Variants in XRCC1 observed in about 807,000 individuals in gnomAD.
The protein encoded by XRCC1 is DNA repair protein XRCC1.
XRCC1 carries 52 observed loss-of-function variants against 83.3 expected under a neutral mutation model. That is an observed-to-expected ratio of 0.62 (90% CI 0.50 to 0.79). The LOEUF (loss-of-function observed/expected upper bound fraction) is 0.79, where lower values mean the gene tolerates loss of function less well. Ranked by LOEUF, XRCC1 falls within the 30% of genes least tolerant of loss-of-function variation. XRCC1 has a pLI of 0.00. For synonymous variants in XRCC1, 281 were observed against 312.6 expected (o/e 0.90, Z 1.07); for missense variants, 793 against 823.5 (o/e 0.96, Z 0.45).
Position 43,552,024 on chromosome 19 carries a change from G to A in XRCC1, c.1075C>T (p.His359Tyr), listed in dbSNP as rs1360277382. ...AGGGGGGCGCAAGCCTACATGAGGT[G>A]CGTGCTGTCCCGGGTCCAGTCTGGC... is the stretch of plus-strand genomic sequence containing the variant. ...YRPDWTRDST[H>Y]LICAFANTPK... Residue 359 changes from histidine to tyrosine, a missense_variant, in exon 9 of 17, where the codon CAC becomes TAC. By Grantham distance (83) the His-to-Tyr change is moderately conservative. Coordinates refer to ENST00000262887, the MANE Select transcript of XRCC1 (RefSeq NM_006297.3). 8 of 1,613,968 alleles carry A rather than the reference G, an allele frequency of 5.0e-6. No individual in the cohort carries two copies. The highest frequency in any genetic ancestry group is 1.7e-5 in the Admixed American group (1 of 60,006).
rs930830000 is a variant in XRCC1, at chr19:43,560,986, A to G, written c.179T>C (p.Ile60Thr). 5.6e-6 allele frequency: 9 copies of G among 1,614,046 alleles called. No homozygotes were observed. The highest frequency in any genetic ancestry group is 5.9e-6 in the Non-Finnish European group (7 of 1,180,026). Reference sequence around the variant, plus strand: ...CACGAAAGCTGAGCCATCATTCCCAATGTCCACACTGTGTATCTGCTCCTC... The same window carrying G: ...CACGAAAGCTGAGCCATCATTCCCAGTGTCCACACTGTGTATCTGCTCCTC... ...EKEEQIHSVD[I>T]GNDGSAFVEV... Residue 60 changes from isoleucine to threonine, a missense_variant, in exon 3 of 17, where the codon ATT becomes ACT. Physicochemically the swap from Ile to Thr is moderately conservative, Grantham distance 89 (BLOSUM62 -1). Coordinates refer to ENST00000262887, the MANE Select transcript of XRCC1 (RefSeq NM_006297.3).
intron 2 of XRCC1, among the ~76,000 whole-genome samples, chr19:43,568,580 C>A (rs1347542989): frequency 6.6e-6 from 1 of 151,832 alleles, no homozygotes; most frequent in Non-Finnish European, 1.5e-5. Flanking sequence ...CCAAAATACA[C>A]TGTTACTTGA....
At position 43,551,574 on chromosome 19, in the gene XRCC1, T is replaced by C. The variant is rs25487; in HGVS notation, c.1196A>G (p.Gln399Arg). 1,060,667 of 1,613,104 alleles carry C rather than the reference T, an allele frequency of 0.66. 351,454 individuals carry two copies. Among genetic ancestry groups the C allele is most frequent in the African/African-American group, 0.85 (64,071 of 74,984 alleles). The change falls in exon 10 of 17, where the codon CAG becomes CGG. Residue 399 changes from glutamine (Q) to arginine (R), a missense_variant. Coordinates refer to ENST00000262887, the MANE Select transcript of XRCC1 (RefSeq NM_006297.3). ...GGGTTGGCGTGTGAGGCCTTACCTC[T>C]GGGAGGGCAGCCGCCGACGCATGCG... ...CHRMRRRLPS[Q>R]RYLMAGPGSS...
At position 43,543,783 on chromosome 19, in the gene XRCC1, C is replaced by A. The variant is rs1312819633; in HGVS notation, c.1713-96G>T. On this transcript the variant is annotated intron_variant, in intron 15 of 16. Coordinates refer to ENST00000262887, the MANE Select transcript of XRCC1 (RefSeq NM_006297.3). ...CTCTCAATGGCTGTCCCCACACTGT[C>A]CCCACCTATGCGCCTCTAGGTTGCC... is the stretch of plus-strand genomic sequence containing the variant. 2.1e-5 allele frequency: 24 copies of A among 1,168,266 alleles called. No individual in the cohort carries two copies. In the Admixed American group the frequency reaches 4.4e-4, roughly 22 times the overall value. 72.4% of individuals were successfully genotyped at this position (1,168,266 alleles called of 1,614,324 possible).
intron 11 of XRCC1, 37 bp downstream of exon 11, chr19:43,546,847 C>T (rs201263084): frequency 6.2e-7 from 1 of 1,610,796 alleles, no homozygotes; most frequent in East Asian, 2.2e-5. Context: ...GTCATCCTCC[C>T]ACTACACCCT....
chr19:43,563,152 T>C (rs1250408986), intron 2 of XRCC1, among the ~76,000 whole-genome samples: 1 of 152,142 alleles, frequency 6.6e-6, no homozygotes. Flanking sequence ...TTCCCAGCCC[T>C]GGGCCCTGGG....
At position 43,553,003 on chromosome 19, in the gene XRCC1, C is replaced by T. The variant is rs1196356770; in HGVS notation, c.690G>A (p.Arg230=). 6.2e-7 allele frequency: 1 copy of T among 1,603,274 alleles called. No homozygotes were observed. The highest frequency in any genetic ancestry group is 8.5e-7 in the Non-Finnish European group (1 of 1,175,308). Residue 230 remains arginine, a synonymous_variant, in exon 7 of 17, where the codon AGG becomes AGA. Coordinates refer to ENST00000262887, the MANE Select transcript of XRCC1 (RefSeq NM_006297.3). ...TCACCTTGGAGGTGCTGCCTATGGC[C>T]CTGGAGACTGGAGAGGCTGAGGAGG... ...SAASSASPVS[R]AIGSTSKPQE...
intron 3 of XRCC1, among the ~76,000 whole-genome samples, chr19:43,558,041 T>C (rs1310467345): frequency 1.3e-5 from 2 of 152,216 alleles, no homozygotes; most frequent in Admixed American, 6.5e-5. Context: ...ATTTTGTATA[T>C]TGACTTCTCA....
At chr19:43,551,018 T>C (rs1972568982) in intron 10 of XRCC1, among the ~76,000 whole-genome samples, 1 of 152,110 alleles carries the variant, frequency 6.6e-6, no homozygotes, top group Non-Finnish European at 1.5e-5. Context: ...GGAGTCTCGC[T>C]CTGTCACCCA....
rs746506429 is a variant in XRCC1 at position 43,543,727 on chromosome 19, G to T, written c.1713-40C>A. 12 of 1,591,088 alleles carry T rather than the reference G, an allele frequency of 7.5e-6. No individual in the cohort carries two copies. In the South Asian group the frequency reaches 1.2e-4, roughly 16 times the overall value. On this transcript the variant is annotated intron_variant, in intron 15 of 16. Coordinates refer to ENST00000262887, the MANE Select transcript of XRCC1 (RefSeq NM_006297.3). ...GAAAAGAGGTAGAAGGCACATCAGG[G>T]AATCAGCACTGACGTCCTACTCCCC...
intron 2 of XRCC1, 179 bp downstream of exon 2, chr19:43,574,731 C>T (rs1972837154): frequency 1.7e-6 from 1 of 598,252 alleles, no homozygotes; most frequent in African/African-American, 1.9e-5. Context: ...GGACTTAATC[C>T]TTGGGTCTCC....
In XRCC1 at chr19:43,574,976, C is replaced by T; in HGVS notation, c.78G>A (p.Lys26=). The change falls in exon 2 of 17, where the codon AAG becomes AAA. Residue 26 remains lysine, a synonymous_variant. Coordinates refer to ENST00000262887, the MANE Select transcript of XRCC1 (RefSeq NM_006297.3). ...DSTHCAENLL[K]ADTYRKWRAA... ...CCCGCCATTTTCGGTAAGTGTCTGC[C>T]TTGAGAAGATTTTCTGCACAGTGAG... 1.2e-6 allele frequency: 2 copies of T among 1,614,142 alleles called. No individual in the cohort carries two copies. Among genetic ancestry groups the T allele is most frequent in the Non-Finnish European group, 1.7e-6 (2 of 1,180,024 alleles).
chr19:43,550,020 C>T (rs956311746), intron 10 of XRCC1, among the ~76,000 whole-genome samples: 4 of 152,078 alleles, frequency 2.6e-5, no homozygotes, highest in African/African-American at 4.8e-5. Context: ...TCAGGAGTCC[C>T]CACCTGCAGC....
intron 7 of XRCC1, 22 bp downstream of exon 7, chr19:43,552,960 C>G (rs576559582): frequency 6.2e-7 from 1 of 1,608,052 alleles, no homozygotes; most frequent in Non-Finnish European, 8.5e-7. Context: ...TCCTCCACCC[C>G]ACCAAAGTCT....
chr19:43,550,246 A>T (rs1972561836), intron 10 of XRCC1, among the ~76,000 whole-genome samples: 1 of 151,618 alleles, frequency 6.6e-6, no homozygotes, highest in African/African-American at 2.4e-5. Flanking sequence ...AAACCCACTA[A>T]TATTTCTGCA....
At chr19:43,550,285 A>T (rs147200966) in intron 10 of XRCC1, among the ~76,000 whole-genome samples, 2 of 24,092 alleles carry the variant, frequency 8.3e-5, no homozygotes, top group African/African-American at 1.6e-4. Context: ...TTAAGGGGAT[A>T]AAAAAAAAAA....
intron 3 of XRCC1, among the ~76,000 whole-genome samples, chr19:43,557,096 CAGG>C (rs1424509206): frequency 6.6e-6 from 1 of 151,828 alleles, no homozygotes; most frequent in Non-Finnish European, 1.5e-5. Context: ...ATCACGAGGT[CAGG>C]AGATCGAGAC....
chr19:43,543,614 C>T lies in XRCC1; in HGVS notation c.1786G>A (p.Glu596Lys), dbSNP rs1356234523. 2 of 1,613,828 alleles carry T rather than the reference C, an allele frequency of 1.2e-6. No homozygotes were observed. Among genetic ancestry groups the T allele is most frequent in the Admixed American group, 1.7e-5 (1 of 59,968 alleles). Reference sequence around the variant, plus strand: ...TTCTCTGCCTCTTTGGTACTCACCTCCTCAAAGCTGGGATCCCATTCCTGT... The same window carrying T: ...TTCTCTGCCTCTTTGGTACTCACCTTCTCAAAGCTGGGATCCCATTCCTGT... ...TAQEWDPSFE[E>K]ALMDNPSLAF... Residue 596 changes from glutamate (E) to lysine (K), a missense_variant and splice_region_variant, in exon 16 of 17, where the codon GAG (glutamate) becomes AAG (lysine). Physicochemically the swap from Glu to Lys is moderately conservative, Grantham distance 56. Transcript: ENST00000262887.
chr19:43,560,957 C>T lies in XRCC1; in HGVS notation c.208G>A (p.Val70Met). ...CCTCCAGCTGAACTGCCCACCAGCA[C>T]CTCCACGAAAGCTGAGCCATCATTC... The part of the protein sequence containing the change: ...IGNDGSAFVE[V>M]LVGSSAGGAG... The change falls in exon 3 of 17, where the codon GTG (valine) becomes ATG (methionine). Residue 70 changes from valine to methionine, a missense_variant. Val to Met is a conservative substitution (Grantham distance 21). Coordinates refer to ENST00000262887, the MANE Select transcript of XRCC1 (RefSeq NM_006297.3). 3.1e-6 allele frequency: 5 copies of T among 1,614,236 alleles called. No homozygotes were observed. The highest frequency in any genetic ancestry group is 4.2e-6 in the Non-Finnish European group (5 of 1,180,038).
Sources: allele counts gnomAD v4.1 joint callset (sites outside exome capture counted in the v4.1 genomes callset), GRCh38; gene constraint gnomAD v4.1.1; transcripts MANE v1.5; gene names NCBI Gene and HGNC (gene_info 2026-07-23, HGNC 2026-07-21).